LRP1B: variants seen among roughly 807,000 people sequenced by gnomAD.
LRP1B encodes the protein low-density lipoprotein receptor-related protein 1B.
In LRP1B, 217 loss-of-function variants were observed where a neutral mutation model predicts 556.6. The observed-to-expected ratio is 0.39, with a 90% CI of 0.35 to 0.44. The LOEUF is 0.44. Among genes scored for constraint, LRP1B ranks in the 20% least tolerant of loss-of-function variants. The probability of loss-of-function intolerance (pLI) is 1.00; values close to 1 mark genes in which losing one functional copy is unlikely to be tolerated. For missense variants in LRP1B, 5,053 were observed against 5,620.8 expected, an observed-to-expected ratio of 0.90 and a Z score of 3.23; for synonymous variants, 2,047 against 1,865.8, an observed-to-expected ratio of 1.10 and a Z score of -2.50.
intron 63 of LRP1B, among the ~76,000 whole-genome samples, chr2:140,446,970 A>G (rs1408392601): frequency 7.1e-6 from 1 of 141,148 alleles, no homozygotes; most frequent in Non-Finnish European, 1.6e-5. Context: ...ATTCAATAGT[A>G]AGAAAAAAAA....
intron 3 of LRP1B, among the ~76,000 whole-genome samples, chr2:141,295,215 A>G (rs2105417802): frequency 6.6e-6 from 1 of 152,318 alleles, no homozygotes; most frequent in South Asian, 2.1e-4. Flanking sequence ...CCTTGGGGAT[A>G]TCCCCTTATA....
intron 4 of LRP1B, among the ~76,000 whole-genome samples, chr2:141,249,906 G>A (rs1684199744): frequency 1.3e-5 from 2 of 152,198 alleles, no homozygotes; most frequent in South Asian, 4.1e-4. Flanking sequence ...GTCCTTAAAT[G>A]GGATAAAATA....
intron 82 of LRP1B, 57 bp from the exon 83 acceptor site, chr2:140,315,156 A>T: frequency 8.6e-7 from 1 of 1,164,722 alleles, no homozygotes; most frequent in Non-Finnish European, 1.2e-6. Context: ...ATTTAATAAA[A>T]TAATTCAAAT....
At chr2:141,339,934 A>G (rs931733909) in intron 3 of LRP1B, among the ~76,000 whole-genome samples, 3 of 152,162 alleles carry the variant, frequency 2.0e-5, no homozygotes, top group African/African-American at 7.2e-5. Context: ...ACCCCCCTCC[A>G]AACCTCCCCA....
At chr2:141,041,951 C>G (rs978447383) in intron 11 of LRP1B, among the ~76,000 whole-genome samples, 5 of 152,038 alleles carry the variant, frequency 3.3e-5, no homozygotes, top group East Asian at 1.9e-4. Context: ...GGCAAGTCCC[C>G]TTTTCCATAC....
intron 32 of LRP1B, among the ~76,000 whole-genome samples, chr2:140,803,042 T>C (rs1323129764): frequency 6.6e-6 from 1 of 152,164 alleles, no homozygotes; most frequent in Non-Finnish European, 1.5e-5. Context: ...ATTTCAATCC[T>C]ACATGCCTCA....
intron 2 of LRP1B, among the ~76,000 whole-genome samples, chr2:141,737,880 T>A (rs545058237): frequency 6.6e-6 from 1 of 152,292 alleles, no homozygotes; most frequent in African/African-American, 2.4e-5. Context: ...TCTTTTTAGT[T>A]TCCATAGAAG....
intron 3 of LRP1B, among the ~76,000 whole-genome samples, chr2:141,279,137 G>A (rs1163569696): frequency 1.3e-5 from 2 of 151,850 alleles, no homozygotes; most frequent in Non-Finnish European, 2.9e-5. Flanking sequence ...ACAGTTTTTT[G>A]GGGGATAGTA....
intron 84 of LRP1B, among the ~76,000 whole-genome samples, chr2:140,290,742 A>G (rs908306746): frequency 6.6e-6 from 1 of 152,016 alleles, no homozygotes; most frequent in Non-Finnish European, 1.5e-5. Flanking sequence ...CCTCTTTTCT[A>G]TGGTGTAGAA....
At chr2:140,253,897 G>A (rs1681562192) in intron 86 of LRP1B, among the ~76,000 whole-genome samples, 1 of 152,116 alleles carries the variant, frequency 6.6e-6, no homozygotes, top group Admixed American at 6.6e-5. Flanking sequence ...AGTGGAATGT[G>A]TGCTGCAATA....
chr2:141,483,933 A>G (rs1441415233), intron 2 of LRP1B, among the ~76,000 whole-genome samples: 3 of 150,980 alleles, frequency 2.0e-5, no homozygotes, highest in African/African-American at 7.3e-5. Flanking sequence ...CTCTGATGGT[A>G]GTTTCTTTTG....
intron 7 of LRP1B, among the ~76,000 whole-genome samples, chr2:141,128,290 AC>A (rs1225264807): frequency 6.6e-6 from 1 of 152,258 alleles, no homozygotes; most frequent in Non-Finnish European, 1.5e-5. Context: ...AAGTAACAGA[AC>A]AAAACAACAA....
intron 3 of LRP1B, among the ~76,000 whole-genome samples, chr2:141,365,481 T>A (rs1223070768): frequency 1.3e-5 from 1 of 77,150 alleles, no homozygotes; most frequent in Non-Finnish European, 2.8e-5. Context: ...AGCTTAGAAG[T>A]GTTTTTTTTT....
chr2:140,401,145 G>T (rs1684481472), intron 66 of LRP1B, among the ~76,000 whole-genome samples: 1 of 152,150 alleles, frequency 6.6e-6, no homozygotes, highest in Non-Finnish European at 1.5e-5. Context: ...ACTTGGTGGG[G>T]CTAGTGGGAA....
intron 2 of LRP1B, among the ~76,000 whole-genome samples, chr2:141,669,000 G>A (rs1690559681): frequency 6.6e-6 from 1 of 152,074 alleles, no homozygotes. Context: ...TGGGGGTCAA[G>A]GAACTCTGCT....
intron 4 of LRP1B, among the ~76,000 whole-genome samples, chr2:141,251,693 A>AC (rs1684266703): frequency 1.3e-5 from 2 of 152,164 alleles, no homozygotes; most frequent in South Asian, 4.1e-4. Context: ...AGTTCTTCTG[A>AC]AATGACAGCA....
chr2:141,301,039 A>G (rs958822647), intron 3 of LRP1B, among the ~76,000 whole-genome samples: 3 of 152,218 alleles, frequency 2.0e-5, no homozygotes, highest in Admixed American at 6.5e-5. Context: ...ATTATTGTCC[A>G]AATGAAAAAG....
intron 7 of LRP1B, among the ~76,000 whole-genome samples, chr2:141,126,379 A>G (rs1701212767): frequency 6.6e-6 from 1 of 152,072 alleles, no homozygotes; most frequent in Non-Finnish European, 1.5e-5. Flanking sequence ...CTTCCTCGCC[A>G]TTCGATTCTA....
At chr2:142,060,633 C>T (rs191440218) in intron 1 of LRP1B, among the ~76,000 whole-genome samples, 21 of 151,956 alleles carry the variant, frequency 1.4e-4, no homozygotes, top group Admixed American at 9.2e-4. Context: ...GATAATACAC[C>T]GCAATGAATG....
Sources: gnomAD v4.1 joint callset for allele counts (sites outside exome capture counted in the v4.1 genomes callset) on GRCh38, gnomAD v4.1.1 for gene constraint, MANE v1.5 for transcripts, NCBI Gene and HGNC (gene_info 2026-07-23, HGNC 2026-07-21) for gene names.